UNC13C: variants seen among roughly 807,000 people sequenced by gnomAD.
UNC13C encodes protein unc-13 homolog C.
UNC13C carries 174 observed loss-of-function variants against 245.4 expected under a neutral mutation model. The observed-to-expected ratio is 0.71, with a 90% confidence interval of 0.63 to 0.80. The LOEUF (loss-of-function observed/expected upper bound fraction) is 0.80. Among genes scored for constraint, UNC13C ranks in the 30% least tolerant of loss-of-function variants. The pLI is 0.00. For missense variants in UNC13C, 2,829 were observed against 2,602.9 expected (o/e 1.09, Z -1.89); for synonymous variants, 992 against 895.1 (o/e 1.11, Z -1.93).
At chr15:54,044,635 C>T (rs183229869) in intron 2 of UNC13C, among the ~76,000 whole-genome samples, 1 of 152,278 alleles carries the variant, frequency 6.6e-6, no homozygotes, top group Admixed American at 6.5e-5. Flanking sequence ...TTTTGTTATA[C>T]TCATCCTGTT....
At chr15:54,308,507 G>A (rs2037783142) in intron 13 of UNC13C, among the ~76,000 whole-genome samples, 2 of 151,834 alleles carry the variant, frequency 1.3e-5, no homozygotes, top group South Asian at 4.1e-4. Flanking sequence ...TTTGTGTCAT[G>A]AGTACACTTC....
chr15:54,279,522 A>G (rs1021904986), intron 10 of UNC13C, among the ~76,000 whole-genome samples: 5 of 152,134 alleles, frequency 3.3e-5, no homozygotes, highest in Non-Finnish European at 5.9e-5. Context: ...TCTGTTTGGG[A>G]AGCTGATGGA....
At chr15:53,866,667 C>T in the UNC13C span, among the ~76,000 whole-genome samples, 2 of 152,100 alleles carry the variant, frequency 1.3e-5, no homozygotes, top group African/African-American at 4.8e-5. Context: ...ATCGAATCTT[C>T]GAGGCACAGA....
At chr15:53,936,349 G>A in the UNC13C span, among the ~76,000 whole-genome samples, 2 of 152,160 alleles carry the variant, frequency 1.3e-5, no homozygotes, top group African/African-American at 4.8e-5. Flanking sequence ...CACCAGCCAG[G>A]GTTATACAAA....
intron 2 of UNC13C, among the ~76,000 whole-genome samples, chr15:54,036,955 C>G (rs1258658277): frequency 2.0e-5 from 3 of 152,226 alleles, no homozygotes; most frequent in Non-Finnish European, 4.4e-5. Context: ...TCACGAGAAG[C>G]AGGCCACTGT....
At chr15:53,845,322 CAAA>C in the UNC13C span, among the ~76,000 whole-genome samples, 1,743 of 135,016 alleles carry the variant, frequency 0.013, 30 homozygotes, top group African/African-American at 0.04. Context: ...GAGAGTCTCT[CAAA>C]AAAAAAAAAA....
Position 54,297,793 on chromosome 15 carries a change from G to C in UNC13C, c.3989-18G>C, listed in dbSNP as rs1221463934. On this transcript the variant is annotated intron_variant, in intron 11 of 32. Transcript: ENST00000260323. ...TATTGTCAGACATGACTGACCAATT[G>C]CCTTTTTGCTTTATCAGAGAAAAGG... 6.5e-7 allele frequency: 1 copy of C among 1,540,944 alleles called. No homozygotes were observed. The highest frequency in any genetic ancestry group is 1.2e-5 in the South Asian group (1 of 86,204).
chr15:53,908,973 C>T, the UNC13C span, among the ~76,000 whole-genome samples: 1 of 146,052 alleles, frequency 6.8e-6, no homozygotes, highest in African/African-American at 2.4e-5. Context: ...TCTATAAACA[C>T]ATTTGTATAT....
chr15:54,580,687 C>T (rs555011897), intron 30 of UNC13C, among the ~76,000 whole-genome samples: 2 of 152,348 alleles, frequency 1.3e-5, no homozygotes, highest in East Asian at 3.9e-4. Context: ...AAATGTTCAT[C>T]ATTCTTATGG....
intron 2 of UNC13C, among the ~76,000 whole-genome samples, chr15:54,082,830 G>C (rs889994797): frequency 1.3e-5 from 2 of 152,028 alleles, no homozygotes; most frequent in African/African-American, 4.8e-5. Flanking sequence ...GCTTTTGTGG[G>C]GGCCAAGGCT....
chr15:54,572,504 C>A (rs182981603), intron 30 of UNC13C, among the ~76,000 whole-genome samples: 35 of 149,454 alleles, frequency 2.3e-4, no homozygotes, highest in African/African-American at 8.1e-4. Context: ...CGGCTCACTG[C>A]GGCCTCTGCC....
intron 19 of UNC13C, among the ~76,000 whole-genome samples, chr15:54,422,689 T>G (rs1439207760): frequency 6.6e-6 from 1 of 151,860 alleles, no homozygotes; most frequent in Non-Finnish European, 1.5e-5. Flanking sequence ...CATAGAGGGC[T>G]CCTTTCCATT....
intron 17 of UNC13C, among the ~76,000 whole-genome samples, chr15:54,391,454 G>A (rs1352380027): frequency 6.6e-6 from 1 of 151,688 alleles, no homozygotes; most frequent in Non-Finnish European, 1.5e-5. Flanking sequence ...TAACTTAAAA[G>A]GCAGCAAAGC....
chr15:54,509,643 A>G (rs1257861098), intron 23 of UNC13C, among the ~76,000 whole-genome samples: 2 of 152,178 alleles, frequency 1.3e-5, no homozygotes, highest in African/African-American at 2.4e-5. Flanking sequence ...TCAAAAAGCA[A>G]TATCCCTGAA....
intron 2 of UNC13C, among the ~76,000 whole-genome samples, chr15:54,076,110 TA>T (rs1360007545): frequency 9.3e-4 from 121 of 129,486 alleles, no homozygotes; most frequent in East Asian, 7.0e-3. Flanking sequence ...TATATATATA[TA>T]TTTTTTTTTA....
the UNC13C span, among the ~76,000 whole-genome samples, chr15:53,966,416 A>G: frequency 1.3e-5 from 2 of 152,154 alleles, no homozygotes; most frequent in African/African-American, 2.4e-5. Flanking sequence ...TTTATAGTCT[A>G]TTCCTCAAGG....
At chr15:54,406,850 G>A (rs2040304393) in intron 18 of UNC13C, among the ~76,000 whole-genome samples, 1 of 152,134 alleles carries the variant, frequency 6.6e-6, no homozygotes. Flanking sequence ...GGTGATACTT[G>A]AGCTGTGCTT....
intron 18 of UNC13C, among the ~76,000 whole-genome samples, chr15:54,407,347 GA>G (rs1475220606): frequency 9.2e-5 from 14 of 152,156 alleles, no homozygotes; most frequent in Admixed American, 3.3e-4. Context: ...GGGTGGAAAG[GA>G]GGGGACACTG....
At chr15:54,320,770 C>T in intron 13 of UNC13C, 1 of 388,218 alleles carries the variant, frequency 2.6e-6, no homozygotes, top group Non-Finnish European at 5.0e-6. Flanking sequence ...ACTGGAACCA[C>T]CATGACCACC....
Sources: allele counts gnomAD v4.1 joint callset (sites outside exome capture counted in the v4.1 genomes callset), GRCh38; gene constraint gnomAD v4.1.1; transcripts MANE v1.5; gene names NCBI Gene and HGNC (gene_info 2026-07-23, HGNC 2026-07-21).